Variants in PRDM5 observed in about 807,000 individuals in gnomAD.
PRDM5 encodes the protein PR domain zinc finger protein 5.
A neutral mutation model predicts 81.2 loss-of-function variants in PRDM5; 56 were observed. The observed-to-expected ratio is 0.69, with a 90% CI of 0.56 to 0.86. The LOEUF is 0.86. PRDM5 is among the 40% of genes least tolerant of loss of function. The pLI is 0.00. For synonymous variants in PRDM5, 267 were observed against 256.4 expected, an observed-to-expected ratio of 1.04 and a Z score of -0.39; for missense variants, 697 against 770.1, an observed-to-expected ratio of 0.91 and a Z score of 1.12.
chr4:120,914,266 A>G (rs920162613), intron 1 of PRDM5, among the ~76,000 whole-genome samples: 2 of 152,036 alleles, frequency 1.3e-5, no homozygotes, highest in Non-Finnish European at 2.9e-5. Context: ...AATTGAAAGA[A>G]AGAGATAAGA....
In PRDM5 at chr4:120,727,861, G is replaced by A. The variant is rs182752494; in HGVS notation, c.1624-17448C>T. Among the ~76,000 whole-genome samples, 19 of 151,744 alleles carry A rather than the reference G, an allele frequency of 1.3e-4. No individual in the cohort carries two copies. The East Asian group carries it at 2.5e-3, about 20-fold the overall frequency. On this transcript the variant is annotated intron_variant, in intron 14 of 15. Coordinates refer to ENST00000264808, the MANE Select transcript of PRDM5 (RefSeq NM_018699.4). ...TGAGGCAGGGGAATCGCTTGAACCC[G>A]GGAGGTGGAGGTTGCAGTGAGCCAA...
intron 13 of PRDM5, among the ~76,000 whole-genome samples, chr4:120,774,862 T>C (rs1747833154): frequency 6.9e-6 from 1 of 144,716 alleles, no homozygotes; most frequent in Non-Finnish European, 1.5e-5. Context: ...CACTTTCTCC[T>C]TCTCTGTCTC....
At chr4:120,869,042 C>CA (rs1377296972) in intron 2 of PRDM5, among the ~76,000 whole-genome samples, 2 of 152,000 alleles carry the variant, frequency 1.3e-5, no homozygotes, top group African/African-American at 4.8e-5. Flanking sequence ...TAAATGCAGA[C>CA]AAAAGAATAT....
At chr4:120,768,072 C>A (rs1314265531) in intron 13 of PRDM5, among the ~76,000 whole-genome samples, 2 of 152,076 alleles carry the variant, frequency 1.3e-5, no homozygotes, top group Non-Finnish European at 2.9e-5. Flanking sequence ...TGAGAACAGA[C>A]TAAAACAATG....
chr4:120,781,360 C>T (rs1749011144), intron 11 of PRDM5, 57 bp from the exon 12 acceptor site: 2 of 1,482,124 alleles, frequency 1.3e-6, no homozygotes, highest in Non-Finnish European at 1.9e-6. Flanking sequence ...TAATTTCCTC[C>T]CATGTATGCC....
intron 13 of PRDM5, among the ~76,000 whole-genome samples, chr4:120,766,117 G>T (rs1398136654): frequency 6.6e-6 from 1 of 151,904 alleles, no homozygotes; most frequent in African/African-American, 2.4e-5. Flanking sequence ...GCACCACCAC[G>T]CCCAGCTAAT....
intron 10 of PRDM5, among the ~76,000 whole-genome samples, chr4:120,788,787 G>T (rs1750136177): frequency 6.6e-6 from 1 of 152,202 alleles, no homozygotes; most frequent in Non-Finnish European, 1.5e-5. Flanking sequence ...TCTGTGCATA[G>T]CCAGGTGAAT....
At chr4:120,799,577 T>C (rs753478484) in intron 9 of PRDM5, 84 bp downstream of exon 9, 8 of 1,543,398 alleles carry the variant, frequency 5.2e-6, no homozygotes, top group African/African-American at 2.8e-5. Context: ...AGGCCCCTGA[T>C]TACCACTCTT....
At chr4:120,915,542 G>A (rs1483174928) in intron 1 of PRDM5, among the ~76,000 whole-genome samples, 1 of 152,208 alleles carries the variant, frequency 6.6e-6, no homozygotes, top group East Asian at 1.9e-4. Flanking sequence ...TGGCATGACA[G>A]TGTACACCTC....
chr4:120,812,764 A>G (rs1435712045), intron 7 of PRDM5: 2 of 406,996 alleles, frequency 4.9e-6, no homozygotes, highest in South Asian at 1.8e-5. Flanking sequence ...AGCTTCATAT[A>G]CCACCTTTCT....
chr4:120,732,607 T>TA (rs11412405), intron 14 of PRDM5, among the ~76,000 whole-genome samples: 150,808 of 152,234 alleles, frequency 0.99, 74,713 homozygotes, highest in East Asian at 1. Flanking sequence ...CACAATAAAA[T>TA]TTTTTAAACA....
downstream of PRDM5, among the ~76,000 whole-genome samples, chr4:120,687,756 A>C (rs1227102306): frequency 2.0e-5 from 3 of 152,150 alleles, no homozygotes; most frequent in South Asian, 6.2e-4. Flanking sequence ...TTATGAGTGA[A>C]TTAATGCCAC....
chr4:120,705,525 G>C (rs1240220181), intron 15 of PRDM5, among the ~76,000 whole-genome samples: 2 of 152,130 alleles, frequency 1.3e-5, no homozygotes, highest in Non-Finnish European at 2.9e-5. Flanking sequence ...ATTCAGGGTA[G>C]GTTCAATGTG....
intron 14 of PRDM5, among the ~76,000 whole-genome samples, chr4:120,748,643 A>C (rs1283855418): frequency 1.7e-5 from 2 of 117,294 alleles, no homozygotes; most frequent in African/African-American, 8.9e-5. Context: ...CCTCTCTCTC[A>C]AAAAAAAAAA....
intron 3 of PRDM5, among the ~76,000 whole-genome samples, chr4:120,851,841 A>C (rs781275640): frequency 2.0e-5 from 3 of 152,170 alleles, no homozygotes; most frequent in Non-Finnish European, 4.4e-5. Flanking sequence ...AATTTCTACG[A>C]ATAAATGACC....
rs1734554654 is a variant in PRDM5, at chr4:120,696,657, G to GTAAATAAGGGCTATACTGCAGACAC, written c.1729-1407_1729-1383dup. On this transcript the variant is annotated intron_variant, in intron 15 of 15. Transcript: ENST00000264808. The stretch of plus-strand genomic sequence containing the variant: ...ATTAAGATTAAATAAAATACTCTGT[G>GTAAATAAGGGCTATACTGCAGACAC]TAAATAAGGGCTATACTGCAGACAC... Among the ~76,000 whole-genome samples the GTAAATAAGGGCTATACTGCAGACAC allele has an allele frequency of 2.6e-5, 4 of 152,202 alleles. No homozygotes were observed. In the South Asian group the frequency reaches 8.3e-4, roughly 32 times the overall value.
chr4:120,717,613 A>C (rs1737980451), intron 14 of PRDM5, among the ~76,000 whole-genome samples: 1 of 152,208 alleles, frequency 6.6e-6, no homozygotes, highest in South Asian at 2.1e-4. Context: ...TAGAAATAGA[A>C]ATTGATTAGA....
chr4:120,818,381 A>G lies in PRDM5; in HGVS notation c.622T>C (p.Phe208Leu), dbSNP rs1754819678. 1 of 1,614,006 alleles carries G rather than the reference A, an allele frequency of 6.2e-7. No homozygotes were observed. Among genetic ancestry groups the G allele is most frequent in the Non-Finnish European group, 8.5e-7 (1 of 1,179,942 alleles). ...CTTTGCAAAGCCTGCTTAACTGGGA[A>G]TTTCTTCCCACAGTTCTTGCACTTA... Reference protein sequence around the residue: ...EFKCKNCGKKFPVKQALQRHV... With the variant: ...EFKCKNCGKKLPVKQALQRHV... The change falls in exon 5 of 16, where the codon TTC becomes CTC. Residue 208 changes from phenylalanine (F) to leucine (L), a missense_variant. Physicochemically the swap from Phe to Leu is conservative, Grantham distance 22. Around this residue, in one of 3 missense-constraint regions of PRDM5, gnomAD observed 577 missense variants for 606.7 expected, o/e 0.95. Transcript: ENST00000264808.
At chr4:120,801,235 C>T (rs562810668) in intron 8 of PRDM5, among the ~76,000 whole-genome samples, 22 of 152,326 alleles carry the variant, frequency 1.4e-4, no homozygotes, top group African/African-American at 4.6e-4. Context: ...CTAGGAATAA[C>T]AGTGCAGAGT....
Sources: gnomAD v4.1 joint callset for allele counts (sites outside exome capture counted in the v4.1 genomes callset) on GRCh38, gnomAD v4.1.1 for gene constraint, gnomAD v4.1.1 regional missense constraint, MANE v1.5 for transcripts, NCBI Gene and HGNC (gene_info 2026-07-23, HGNC 2026-07-21) for gene names.